Variants in FAXC observed in about 807,000 individuals in gnomAD.
FAXC encodes the protein failed axon connections homolog.
Under a neutral mutation model 41.9 loss-of-function variants are expected in FAXC, and 10 were observed. The ratio of observed to expected loss-of-function variants is 0.24; its 90% CI spans 0.15 to 0.41. The LOEUF is 0.41. FAXC is among the 10% of genes least tolerant of loss of function. The pLI, the probability that FAXC is intolerant of heterozygous loss-of-function variation, is 1.00. For missense variants in FAXC, 399 were observed against 510.9 expected, an observed-to-expected ratio of 0.78 and a Z score of 2.11; for synonymous variants, 183 against 183.8, an observed-to-expected ratio of 1.00 and a Z score of 0.03.
intron 4 of FAXC, among the ~76,000 whole-genome samples, chr6:99,293,745 C>G (rs1771352458): frequency 7.2e-6 from 1 of 138,966 alleles, no homozygotes; most frequent in Admixed American, 7.2e-5. Flanking sequence ...TGCATTTTAT[C>G]TTTCCAGCTA....
rs1039317791 is a variant in FAXC, at chr6:99,275,129, C to T, written c.*6035G>A. 6.6e-6 allele frequency: 1 copy of T among 152,006 alleles called. No individual in the cohort carries two copies. The highest frequency in any genetic ancestry group is 1.9e-4 in the East Asian group (1 of 5,200). 9.4% of individuals were successfully genotyped at this position (152,006 alleles called of 1,614,324 possible). ...CTAATAAGTGAAAGTTACTCTATTCCAGAGCCACAAATAAAAACAAATAAA... is the reference window on the plus strand; with the variant it reads ...CTAATAAGTGAAAGTTACTCTATTCTAGAGCCACAAATAAAAACAAATAAA... On this transcript the variant is annotated 3_prime_UTR_variant, in exon 6 of 6. Coordinates refer to ENST00000389677, the MANE Select transcript of FAXC (RefSeq NM_032511.4).
intron 5 of FAXC, among the ~76,000 whole-genome samples, chr6:99,290,872 C>T (rs1263001695): frequency 6.6e-6 from 1 of 150,952 alleles, no homozygotes; most frequent in Non-Finnish European, 1.5e-5. Flanking sequence ...AGTGCAGTGG[C>T]ACAATCTTGG....
intron 3 of FAXC, among the ~76,000 whole-genome samples, chr6:99,332,818 G>A (rs1773077690): frequency 6.6e-6 from 1 of 152,150 alleles, no homozygotes; most frequent in African/African-American, 2.4e-5. Flanking sequence ...TAATTCAACA[G>A]TTTATACAGT....
intron 4 of FAXC, among the ~76,000 whole-genome samples, chr6:99,299,124 C>T (rs1180121844): frequency 6.6e-6 from 1 of 152,178 alleles, no homozygotes; most frequent in Non-Finnish European, 1.5e-5. Context: ...CTAGTCTCCA[C>T]TAACATACTT....
At chr6:99,283,890 C>G (rs961910656) in intron 5 of FAXC, among the ~76,000 whole-genome samples, 5 of 152,196 alleles carry the variant, frequency 3.3e-5, no homozygotes, top group Non-Finnish European at 7.3e-5. Flanking sequence ...AAATCAGAAT[C>G]TATTCACAAG....
At chr6:99,325,357 C>T (rs1772760565) in intron 3 of FAXC, among the ~76,000 whole-genome samples, 1 of 152,280 alleles carries the variant, frequency 6.6e-6, no homozygotes, top group South Asian at 2.1e-4. Context: ...CAACATACTC[C>T]CTGTGCTGTA....
In FAXC at chr6:99,349,258, A is replaced by G. The variant is rs1342275316; in HGVS notation, c.115T>C (p.Tyr39His). The G allele has an allele frequency of 6.2e-7, 1 of 1,613,832 alleles. No individual in the cohort carries two copies. Among genetic ancestry groups the G allele is most frequent in the Non-Finnish European group, 8.5e-7 (1 of 1,180,016 alleles). Residue 39 changes from tyrosine (Y) to histidine (H), a missense_variant, in exon 1 of 6, where the codon TAT (tyrosine) becomes CAT (histidine). Transcript: ENST00000389677. ...WAGSEEPFSF[Y>H]GDIIAFPLQD... The stretch of plus-strand genomic sequence containing the variant: ...AAAGGGAAAGCGATGATGTCCCCAT[A>G]AAAGGAGAAGGGCTCCTCGGACCCG...
At chr6:99,321,278 CA>C (rs1157839483) in intron 4 of FAXC, among the ~76,000 whole-genome samples, 9 of 152,152 alleles carry the variant, frequency 5.9e-5, no homozygotes, top group African/African-American at 2.2e-4. Context: ...GTCAGATATA[CA>C]ACCATGGACA....
intron 3 of FAXC, among the ~76,000 whole-genome samples, chr6:99,331,778 C>T (rs1773034889): frequency 6.6e-6 from 1 of 152,202 alleles, no homozygotes; most frequent in Non-Finnish European, 1.5e-5. Context: ...GCAGGTCCTT[C>T]CTTTCCCTTC....
At chr6:99,304,592 T>C (rs1771843382) in intron 4 of FAXC, among the ~76,000 whole-genome samples, 1 of 152,232 alleles carries the variant, frequency 6.6e-6, no homozygotes, top group Non-Finnish European at 1.5e-5. Flanking sequence ...TAATGTTTTG[T>C]AATATATTAT....
chr6:99,342,357 TTTTTTG>T (rs1228897146), intron 2 of FAXC, among the ~76,000 whole-genome samples: 4 of 152,198 alleles, frequency 2.6e-5, no homozygotes, highest in African/African-American at 9.6e-5. Context: ...TTTTTTTTTT[TTTTTTG>T]AGATGGAGTC....
rs1292363386 is a variant in FAXC at position 99,280,131 on chromosome 6, T to A, written c.*1033A>T. 2 of 152,102 alleles carry A rather than the reference T, an allele frequency of 1.3e-5. No homozygotes were observed. Among genetic ancestry groups the A allele is most frequent in the Non-Finnish European group, 2.9e-5 (2 of 68,010 alleles). 9.4% of individuals were successfully genotyped at this position (152,102 alleles called of 1,614,324 possible). A position where few individuals can be genotyped will look rare whatever the true frequency, so the allele number is the denominator to read the frequency against. ...TCAACACAGAACATGCCAGGGTGAG[T>A]TCAGGCAATGAAAGAACCACTTTTC... On this transcript the variant is annotated 3_prime_UTR_variant, in exon 6 of 6. Coordinates refer to ENST00000389677, the MANE Select transcript of FAXC (RefSeq NM_032511.4).
chr6:99,323,714 C>T, intron 3 of FAXC, 47 bp from the exon 4 acceptor site: 1 of 1,422,104 alleles, frequency 7.0e-7, no homozygotes, highest in Non-Finnish European at 9.9e-7. Flanking sequence ...AGGTACATAT[C>T]AGCTCCACAG....
At position 99,281,020 on chromosome 6, in the gene FAXC, A is replaced by C; in HGVS notation, c.*144T>G. 1.6e-6 allele frequency: 1 copy of C among 631,498 alleles called. No homozygotes were observed. The highest frequency in any genetic ancestry group is 1.9e-5 in the South Asian group (1 of 51,754). The allele number at this position is 631,498 out of a possible 1,614,324, so 39.1% of individuals were successfully genotyped here. A position where few individuals can be genotyped will look rare whatever the true frequency, so the allele number is the denominator to read the frequency against. ...TGTGTTTTGTTTGTACAAAAAAGAA[A>C]TAAGGCTGCTATAGTCCAGTTAGCA... On this transcript the variant is annotated 3_prime_UTR_variant, in exon 6 of 6. Transcript: ENST00000389677.
intron 4 of FAXC, among the ~76,000 whole-genome samples, chr6:99,314,832 A>G (rs1772277996): frequency 6.6e-6 from 1 of 152,048 alleles, no homozygotes; most frequent in African/African-American, 2.4e-5. Flanking sequence ...TTTACATATG[A>G]TGTTCCTTCT....
At chr6:99,313,525 T>C (rs1283356317) in intron 4 of FAXC, among the ~76,000 whole-genome samples, 1 of 152,216 alleles carries the variant, frequency 6.6e-6, no homozygotes, top group Non-Finnish European at 1.5e-5. Context: ...AATTTTTTTA[T>C]ATACAGGAGG....
chr6:99,323,071 C>T (rs1220402666), intron 4 of FAXC, among the ~76,000 whole-genome samples: 2 of 152,224 alleles, frequency 1.3e-5, no homozygotes, highest in Non-Finnish European at 2.9e-5. Context: ...CTCTGAGCAG[C>T]GTGTTCCTAA....
rs1467433081 is a variant in FAXC at position 99,277,058 on chromosome 6, A to G, written c.*4106T>C. 6.6e-6 allele frequency: 1 copy of G among 152,346 alleles called. No homozygotes were observed. The highest frequency in any genetic ancestry group is 2.4e-5 in the African/African-American group (1 of 41,458). 9.4% of individuals were successfully genotyped at this position (152,346 alleles called of 1,614,324 possible). A position where few individuals can be genotyped will look rare whatever the true frequency, so the allele number is the denominator to read the frequency against. On this transcript the variant is annotated 3_prime_UTR_variant, in exon 6 of 6. Transcript: ENST00000389677. ...ATGACTTGGGCCAGTGGAGCAGAGA[A>G]TAGAACATTTCAGGAGAAGGACTGG...
In FAXC at chr6:99,275,420, T is replaced by G. The variant is rs1770565462; in HGVS notation, c.*5744A>C. 1 of 152,218 alleles carries G rather than the reference T, an allele frequency of 6.6e-6. No homozygotes were observed. Among genetic ancestry groups the G allele is most frequent in the African/African-American group, 2.4e-5 (1 of 41,470 alleles). 9.4% of individuals were successfully genotyped at this position (152,218 alleles called of 1,614,324 possible). On this transcript the variant is annotated 3_prime_UTR_variant, in exon 6 of 6. Transcript: ENST00000389677. ...GCTGCTAGACCATATCTGTAGGTTA[T>G]TCGTTTTATTATTGCAATGGTCCCC...
Sources: gnomAD v4.1 joint callset for allele counts (sites outside exome capture counted in the v4.1 genomes callset) on GRCh38, gnomAD v4.1.1 for gene constraint, MANE v1.5 for transcripts, NCBI Gene and HGNC (gene_info 2026-07-23, HGNC 2026-07-21) for gene names.